The following PDSS1 variants were observed in gnomAD, a reference collection of about 807,000 sequenced individuals.
PDSS1 encodes decaprenyl diphosphate synthase subunit 1, also known as all trans-polyprenyl-diphosphate synthase PDSS1.
A neutral mutation model predicts 57.5 loss-of-function variants in PDSS1; 43 were observed. The ratio of observed to expected loss-of-function variants is 0.75; its 90% confidence interval spans 0.59 to 0.96. The LOEUF is 0.96. Ranked by LOEUF, PDSS1 falls within the 50% of genes least tolerant of loss-of-function variation. The pLI is 0.00. For synonymous variants in PDSS1, 175 were observed against 191.3 expected (o/e 0.91, Z 0.70); for missense variants, 438 against 527.8 (o/e 0.83, Z 1.67).
At chr10:26,703,306 T>C (rs1780184) in intron 2 of PDSS1, among the ~76,000 whole-genome samples, 79,416 of 151,972 alleles carry the variant, frequency 0.52, 21,804 homozygotes, top group Middle Eastern at 0.64. Flanking sequence ...ACTGAATAAC[T>C]AAAAAGTTAT....
chr10:26,740,013 G>A (rs1836530710), intron 10 of PDSS1, among the ~76,000 whole-genome samples: 1 of 152,102 alleles, frequency 6.6e-6, no homozygotes, highest in African/African-American at 2.4e-5. Flanking sequence ...GTGGTGGCTT[G>A]CGCCTGTAGT....
chr10:26,717,814 G>GA (rs1835643018), intron 5 of PDSS1: 1 of 151,964 alleles, frequency 6.6e-6, no homozygotes, highest in Admixed American at 6.6e-5. Context: ...TTATTAGACT[G>GA]AAATTCACTT....
intron 8 of PDSS1, chr10:26,734,591 T>A: frequency 2.3e-6 from 1 of 441,042 alleles, no homozygotes. Flanking sequence ...AGTTACTTCT[T>A]TTGAGAGAAA....
intron 2 of PDSS1, 79 bp from the exon 3 acceptor site, chr10:26,704,598 A>T: frequency 1.3e-6 from 1 of 761,632 alleles, no homozygotes. Flanking sequence ...TAAAGATTAT[A>T]ATTATGGGGG....
chr10:26,709,529 C>G lies in PDSS1; in HGVS notation c.337-109C>G, dbSNP rs1394893702. 3 of 1,086,864 alleles carry G rather than the reference C, an allele frequency of 2.8e-6. No homozygotes were observed. In the Admixed American group the frequency reaches 5.1e-5, roughly 19 times the overall value. 67.3% of individuals were successfully genotyped at this position (1,086,864 alleles called of 1,614,324 possible). A position where few individuals can be genotyped will look rare whatever the true frequency, so the allele number is the denominator to read the frequency against. On this transcript the variant is annotated intron_variant, in intron 4 of 11. Transcript: ENST00000376215. Reference sequence around the variant, plus strand: ...TGAGCTGAGATCGTTCCATTGCACTCCAGTCTGGGCAACAAGAGCGAAACT... The same window carrying G: ...TGAGCTGAGATCGTTCCATTGCACTGCAGTCTGGGCAACAAGAGCGAAACT...
At chr10:26,701,801 C>G in intron 1 of PDSS1, 1 of 454,120 alleles carries the variant, frequency 2.2e-6, no homozygotes, top group Non-Finnish European at 4.4e-6. Context: ...CCACCGTGCT[C>G]TAGACCCCAG....
intron 6 of PDSS1, among the ~76,000 whole-genome samples, chr10:26,721,423 T>TATACACACACAC (rs10645608): frequency 0.048 from 7,104 of 149,246 alleles, 238 homozygotes; most frequent in Non-Finnish European, 0.065. Flanking sequence ...GATATATGTA[T>TATACACACACAC]ACACACACAC....
At chr10:26,743,394 A>G (rs1836696343) in intron 11 of PDSS1, among the ~76,000 whole-genome samples, 1 of 152,232 alleles carries the variant, frequency 6.6e-6, no homozygotes, top group Non-Finnish European at 1.5e-5. Context: ...AGACTTCCAA[A>G]TAATTACCTT....
intron 10 of PDSS1, among the ~76,000 whole-genome samples, chr10:26,736,356 AT>A (rs1455076909): frequency 6.6e-6 from 1 of 151,030 alleles, no homozygotes; most frequent in Non-Finnish European, 1.5e-5. Context: ...GTAGTATTTA[AT>A]TTGTTATGTT....
intron 8 of PDSS1, among the ~76,000 whole-genome samples, chr10:26,733,094 G>T (rs1836271931): frequency 6.6e-6 from 1 of 152,124 alleles, no homozygotes; most frequent in Admixed American, 6.5e-5. Context: ...TCCAAAAAAA[G>T]AAATAGATTT....
Position 26,745,339 on chromosome 10 carries a change from T to C in PDSS1, c.1108-994T>C, listed in dbSNP as rs76273247. 3.6e-3 allele frequency among the ~76,000 whole-genome samples: 545 copies of C among 152,212 alleles called. 5 individuals carry two copies. The highest frequency in any genetic ancestry group is 0.03 in the East Asian group (153 of 5,186). On this transcript the variant is annotated intron_variant, in intron 11 of 11. Transcript: ENST00000376215. The stretch of plus-strand genomic sequence containing the variant: ...AATATTTTAAAACATGGTTATAGAA[T>C]AGGATGTAAATATCTATAGTCTAAC...
intron 8 of PDSS1, among the ~76,000 whole-genome samples, chr10:26,726,405 AG>A (rs1249500185): frequency 1.3e-5 from 2 of 152,232 alleles, no homozygotes; most frequent in African/African-American, 4.8e-5. Context: ...TTTGAATAAA[AG>A]TTTCTATATT....
intron 6 of PDSS1, among the ~76,000 whole-genome samples, chr10:26,720,633 T>G (rs979539672): frequency 6.6e-6 from 1 of 152,228 alleles, no homozygotes; most frequent in African/African-American, 2.4e-5. Context: ...ATGTATTTCA[T>G]GAGGAATCAT....
chr10:26,744,360 CTATTTTATTTTATTTTTATTTTAT>C (rs777483412), intron 11 of PDSS1, among the ~76,000 whole-genome samples: 5 of 151,740 alleles, frequency 3.3e-5, no homozygotes, highest in Non-Finnish European at 5.9e-5. Context: ...CCCATAAACA[CTATTTTATTTTATTTTTATTTTAT>C]TATTTTATTT....
chr10:26,714,007 A>G (rs1357206082), intron 5 of PDSS1, among the ~76,000 whole-genome samples: 1 of 152,034 alleles, frequency 6.6e-6, no homozygotes, highest in Non-Finnish European at 1.5e-5. Flanking sequence ...TTCTCCTGCT[A>G]CCCAGTCCTG....
In PDSS1 at chr10:26,734,192, C is replaced by T. The variant is rs373703663; in HGVS notation, c.832-1048C>T. 2.6e-5 allele frequency among the ~76,000 whole-genome samples: 4 copies of T among 152,332 alleles called. No individual in the cohort carries two copies. The East Asian group carries it at 5.8e-4, about 22-fold the overall frequency. ...AGCCCCACAGTCTCACAGCAGAGCC[C>T]GCAGCACTGCACCACACTGACGCCT... is the stretch of plus-strand genomic sequence containing the variant. On this transcript the variant is annotated intron_variant, in intron 8 of 11. Transcript: ENST00000376215.
intron 10 of PDSS1, among the ~76,000 whole-genome samples, chr10:26,738,303 A>T (rs911767451): frequency 1.3e-5 from 2 of 152,234 alleles, no homozygotes; most frequent in African/African-American, 4.8e-5. Context: ...TATGGTGTTT[A>T]TTCTGCAAGT....
intron 10 of PDSS1, chr10:26,740,705 C>T (rs1247755476): frequency 2.2e-6 from 1 of 456,730 alleles, no homozygotes; most frequent in Non-Finnish European, 4.4e-6. Flanking sequence ...AAATCAAACA[C>T]ATCTTACCTC....
At chr10:26,708,114 T>C (rs11015239) in intron 4 of PDSS1, among the ~76,000 whole-genome samples, 26,628 of 152,204 alleles carry the variant, frequency 0.17, 3,072 homozygotes, top group East Asian at 0.55. Flanking sequence ...CTTCTCCCCA[T>C]CTAGACCCTG....
Sources: gnomAD v4.1 joint callset for allele counts (sites outside exome capture counted in the v4.1 genomes callset) on GRCh38, gnomAD v4.1.1 for gene constraint, MANE v1.5 for transcripts, NCBI Gene and HGNC (gene_info 2026-07-23, HGNC 2026-07-21) for gene names.